CTNNA3: variants seen among roughly 807,000 people sequenced by gnomAD.
The protein encoded by CTNNA3 is catenin alpha 3, also known as catenin alpha-3.
CTNNA3 carries 76 observed loss-of-function variants against 95.7 expected under a neutral mutation model. The observed-to-expected ratio is 0.79, with a 90% confidence interval of 0.66 to 0.96. CTNNA3 has a LOEUF of 0.96. Ranked by LOEUF, CTNNA3 falls within the 40% of genes least tolerant of loss-of-function variation. CTNNA3 has a pLI of 0.00. For synonymous variants in CTNNA3, 431 were observed against 374.4 expected (o/e 1.15, Z -1.74); for missense variants, 1,191 against 1,089.8 (o/e 1.09, Z -1.31).
At chr10:67,612,595 A>G (rs1843496474) in intron 2 of CTNNA3, among the ~76,000 whole-genome samples, 2 of 152,204 alleles carry the variant, frequency 1.3e-5, no homozygotes. Flanking sequence ...CATCTTAAAT[A>G]AAAAGTTATA....
chr10:66,190,457 G>A (rs1299074188), intron 13 of CTNNA3, among the ~76,000 whole-genome samples: 1 of 152,090 alleles, frequency 6.6e-6, no homozygotes, highest in South Asian at 2.1e-4. Context: ...GAGTGCCATT[G>A]ACATCAGTCT....
At position 66,598,703 on chromosome 10, in the gene CTNNA3, A is replaced by C. The variant is rs374228917; in HGVS notation, c.1374+22989T>G. On this transcript the variant is annotated intron_variant, in intron 10 of 17. Coordinates refer to ENST00000433211, the MANE Select transcript of CTNNA3 (RefSeq NM_013266.4). The stretch of plus-strand genomic sequence containing the variant: ...ATAAATCTAACTGGAAAGATGAAAG[A>C]CCTGGATACTAAAAACTAGAAAAAA... Among the ~76,000 whole-genome samples the C allele has an allele frequency of 1.9e-4, 29 of 152,142 alleles. No individual in the cohort carries two copies. In the East Asian group the frequency reaches 4.4e-3, roughly 23 times the overall value.
chr10:66,739,230 T>C (rs1020107511), intron 9 of CTNNA3, among the ~76,000 whole-genome samples: 10 of 152,186 alleles, frequency 6.6e-5, no homozygotes, highest in Admixed American at 2.0e-4. Context: ...TCCATCAGAA[T>C]CACCTGGAGG....
chr10:67,240,649 G>A lies in CTNNA3; in HGVS notation c.580-20779C>T, dbSNP rs563182339. Among the ~76,000 whole-genome samples the A allele has an allele frequency of 1.2e-4, 19 of 152,114 alleles. 1 individual carries two copies. The South Asian group carries it at 4.0e-3, about 32-fold the overall frequency. On this transcript the variant is annotated intron_variant, in intron 5 of 17. Coordinates refer to ENST00000433211, the MANE Select transcript of CTNNA3 (RefSeq NM_013266.4). The stretch of plus-strand genomic sequence containing the variant: ...AAAAGAATTCTTCAAATTCAAATAG[G>A]AAACTGAGAAACCATATCATAATAG...
At chr10:66,700,531 T>C (rs1847909758) in intron 9 of CTNNA3, among the ~76,000 whole-genome samples, 1 of 152,216 alleles carries the variant, frequency 6.6e-6, no homozygotes, top group Non-Finnish European at 1.5e-5. Flanking sequence ...TTGGTTACTA[T>C]TACTTTGTAG....
At chr10:67,401,156 C>T (rs953138266) in intron 5 of CTNNA3, among the ~76,000 whole-genome samples, 1 of 152,132 alleles carries the variant, frequency 6.6e-6, no homozygotes, top group Non-Finnish European at 1.5e-5. Flanking sequence ...AGAGCATCAG[C>T]TTGGAAGCAA....
At chr10:67,073,974 C>T (rs1024418810) in intron 7 of CTNNA3, among the ~76,000 whole-genome samples, 2 of 151,592 alleles carry the variant, frequency 1.3e-5, no homozygotes, top group African/African-American at 4.9e-5. Flanking sequence ...ATATTTATTT[C>T]GCACAGCTAC....
At chr10:66,143,402 G>A (rs1425296068) in intron 13 of CTNNA3, among the ~76,000 whole-genome samples, 16 of 152,070 alleles carry the variant, frequency 1.1e-4, no homozygotes, top group African/African-American at 1.2e-4. Context: ...AATTGAAATA[G>A]GTCCCAGGAG....
intron 16 of CTNNA3, among the ~76,000 whole-genome samples, chr10:65,981,083 T>C (rs2078311115): frequency 1.3e-5 from 2 of 151,962 alleles, no homozygotes; most frequent in Non-Finnish European, 2.9e-5. Context: ...TGATCATATA[T>C]CCAGAAAACC....
intron 5 of CTNNA3, among the ~76,000 whole-genome samples, chr10:67,311,792 C>A (rs982774071): frequency 6.6e-6 from 1 of 152,124 alleles, no homozygotes; most frequent in African/African-American, 2.4e-5. Context: ...TCTTTAGGAA[C>A]AATGTGTTCT....
intron 7 of CTNNA3, among the ~76,000 whole-genome samples, chr10:66,893,225 C>T (rs1361088136): frequency 1.3e-5 from 2 of 152,078 alleles, no homozygotes; most frequent in Non-Finnish European, 2.9e-5. Flanking sequence ...TCTGAAAAGA[C>T]ATCAAAAATA....
chr10:66,401,206 C>G (rs555466168), intron 11 of CTNNA3, among the ~76,000 whole-genome samples: 29 of 152,090 alleles, frequency 1.9e-4, no homozygotes, highest in Non-Finnish European at 4.3e-4. Context: ...TTTACAGTCT[C>G]TGAGACAGTT....
intron 1 of CTNNA3, among the ~76,000 whole-genome samples, chr10:67,746,215 T>TA (rs1302203598): frequency 2.0e-5 from 3 of 152,190 alleles, no homozygotes; most frequent in Admixed American, 2.0e-4. Context: ...GGTCCTAGCA[T>TA]AAACAGGGAC....
chr10:66,542,901 T>A (rs1292482059), intron 10 of CTNNA3, among the ~76,000 whole-genome samples: 1 of 151,974 alleles, frequency 6.6e-6, no homozygotes, highest in Admixed American at 6.6e-5. Flanking sequence ...AATATATACA[T>A]TAAAAAAATA....
At chr10:66,209,189 C>T (rs2035167) in intron 13 of CTNNA3, among the ~76,000 whole-genome samples, 44,241 of 151,958 alleles carry the variant, frequency 0.29, 7,042 homozygotes, top group Admixed American at 0.41. Context: ...CCATGAGTCA[C>T]ACATTTATTC....
At chr10:66,096,206 T>G (rs1386921064) in intron 14 of CTNNA3, among the ~76,000 whole-genome samples, 1 of 152,160 alleles carries the variant, frequency 6.6e-6, no homozygotes, top group Non-Finnish European at 1.5e-5. Flanking sequence ...ACAAATTCCT[T>G]TTCTCACCAC....
intron 9 of CTNNA3, among the ~76,000 whole-genome samples, chr10:66,751,321 T>C (rs1244373104): frequency 2.0e-5 from 3 of 152,202 alleles, no homozygotes; most frequent in South Asian, 2.1e-4. Flanking sequence ...AGGAAAGCAA[T>C]TGACTTTTGT....
chr10:67,451,914 C>A (rs1846999259), intron 5 of CTNNA3, among the ~76,000 whole-genome samples: 1 of 151,954 alleles, frequency 6.6e-6, no homozygotes, highest in Non-Finnish European at 1.5e-5. Context: ...ATACACTATC[C>A]AAACAGGTTA....
rs1161880781 is a variant in CTNNA3, at chr10:66,913,238, CAAAAAAAAAAAAAAA to C, written c.1048-137729_1048-137715del. The stretch of plus-strand genomic sequence containing the variant: ...TGGGCGAAAGAGCGAGACTCCGTCT[CAAAAAAAAAAAAAAA>C]AAAAAAAAAAAAGAAAAAGAAAAAA... On this transcript the variant is annotated intron_variant, in intron 7 of 17. Coordinates refer to ENST00000433211, the MANE Select transcript of CTNNA3 (RefSeq NM_013266.4). 4.2e-4 allele frequency among the ~76,000 whole-genome samples: 14 copies of C among 33,536 alleles called. 1 individual carries two copies. Among genetic ancestry groups the C allele is most frequent in the Admixed American group, 3.0e-3 (5 of 1,674 alleles). The allele number at this position is 33,536 out of a possible 152,430, so 22.0% of individuals were successfully genotyped here. A position where few individuals can be genotyped will look rare whatever the true frequency, so the allele number is the denominator to read the frequency against.
Sources: gnomAD v4.1 joint callset for allele counts (sites outside exome capture counted in the v4.1 genomes callset) on GRCh38, gnomAD v4.1.1 for gene constraint, MANE v1.5 for transcripts, NCBI Gene and HGNC (gene_info 2026-07-23, HGNC 2026-07-21) for gene names.